The following KIAA1549L variants were observed in gnomAD, a reference collection of about 807,000 sequenced individuals.
The protein encoded by KIAA1549L is KIAA1549 like, also known as UPF0606 protein KIAA1549L.
In KIAA1549L, 88 loss-of-function variants were observed where a neutral mutation model predicts 160.7. The observed-to-expected ratio is 0.55, with a 90% CI of 0.46 to 0.65. The LOEUF (loss-of-function observed/expected upper bound fraction) is 0.65. Ranked by LOEUF, KIAA1549L falls within the 30% of genes least tolerant of loss-of-function variation. The pLI, the probability that KIAA1549L is intolerant of heterozygous loss-of-function variation, is 0.00. For synonymous variants in KIAA1549L, 950 were observed against 976.7 expected, an observed-to-expected ratio of 0.97 and a Z score of 0.51; for missense variants, 2,258 against 2,437.5, an observed-to-expected ratio of 0.93 and a Z score of 1.55.
In KIAA1549L at chr11:33,645,757, A is replaced by G; in HGVS notation, c.5481A>G (p.Arg1827=). 1 of 1,613,954 alleles carries G rather than the reference A, an allele frequency of 6.2e-7. No individual in the cohort carries two copies. Among genetic ancestry groups the G allele is most frequent in the Non-Finnish European group, 8.5e-7 (1 of 1,179,876 alleles). The change falls in exon 17 of 21, where the codon CGA becomes CGG. Residue 1827 remains arginine, a synonymous_variant. Coordinates refer to ENST00000658780, the MANE Select transcript of KIAA1549L (RefSeq NM_012194.3). ...AGCCCCGGGGCTATTCCAGGTCTCG[A>G]CAGGTGAAAGGCCACTCGGAGACCT... The part of the protein sequence containing the change: ...VPEPRGYSRS[R]QVKGHSETST...
intron 1 of KIAA1549L, among the ~76,000 whole-genome samples, chr11:33,486,508 CT>C (rs1852530529): frequency 1.3e-5 from 2 of 152,154 alleles, no homozygotes; most frequent in Non-Finnish European, 2.9e-5. Flanking sequence ...ACGAATTTAA[CT>C]ACTTAATGCA....
chr11:33,565,705 C>CTT (rs769888532), intron 8 of KIAA1549L, among the ~76,000 whole-genome samples: 6 of 131,606 alleles, frequency 4.6e-5, no homozygotes, highest in African/African-American at 1.1e-4. Flanking sequence ...TCCGTGGAGG[C>CTT]TTTTTTTTTT....
At chr11:33,634,098 A>G (rs11032323) in intron 16 of KIAA1549L, among the ~76,000 whole-genome samples, 9,873 of 148,814 alleles carry the variant, frequency 0.066, 734 homozygotes, top group African/African-American at 0.18. Context: ...GCTGGAGTGC[A>G]GTGGCATGAT....
rs758532021 is a variant in KIAA1549L at position 33,658,806 on chromosome 11, C to T, written c.5915C>T (p.Pro1972Leu). The T allele has an allele frequency of 9.6e-6, 15 of 1,568,388 alleles. No individual in the cohort carries two copies. Among genetic ancestry groups the T allele is most frequent in the South Asian group, 7.1e-5 (6 of 84,742 alleles). The change falls in exon 19 of 21, where the codon CCG (proline) becomes CTG (leucine). Residue 1972 changes from proline to leucine, a missense_variant. Coordinates refer to ENST00000658780, the MANE Select transcript of KIAA1549L (RefSeq NM_012194.3). ...TRMAESTGPE[P>L]AQLHDSASFT... Reference sequence around the variant, plus strand: ...ATGGCCGAGTCTACAGGGCCCGAGCCGGCCCAGCTGCACGACAGCGCCTCC... The same window carrying T: ...ATGGCCGAGTCTACAGGGCCCGAGCTGGCCCAGCTGCACGACAGCGCCTCC...
chr11:33,561,744 T>G lies in KIAA1549L; in HGVS notation c.4078+9T>G. On this transcript the variant is annotated intron_variant, in intron 8 of 20. Coordinates refer to ENST00000658780, the MANE Select transcript of KIAA1549L (RefSeq NM_012194.3). ...CTATTGGGTAATTACAGGTAATCTC[T>G]TATTTTGTAATTTCCCCTCTTCATG... is the stretch of plus-strand genomic sequence containing the variant. 1.3e-6 allele frequency: 2 copies of G among 1,580,998 alleles called. No individual in the cohort carries two copies. Among genetic ancestry groups the G allele is most frequent in the Non-Finnish European group, 1.7e-6 (2 of 1,150,286 alleles).
rs1463798038 is a variant in KIAA1549L at position 33,561,535 on chromosome 11, G to C, written c.4019-141G>C. The C allele has an allele frequency of 7.4e-6, 5 of 678,118 alleles. No homozygotes were observed. In the East Asian group the frequency reaches 1.3e-4, roughly 18 times the overall value. The allele number at this position is 678,118 out of a possible 1,614,324, so 42.0% of individuals were successfully genotyped here. A position where few individuals can be genotyped will look rare whatever the true frequency, so the allele number is the denominator to read the frequency against. ...ATAGTCCAGCTACTCAGGAGGCTTA[G>C]GTGCAAGGACCACTTGAGCCCAGGA... On this transcript the variant is annotated intron_variant, in intron 7 of 20. Coordinates refer to ENST00000658780, the MANE Select transcript of KIAA1549L (RefSeq NM_012194.3).
chr11:33,401,546 G>A (rs776255698), intron 1 of KIAA1549L, among the ~76,000 whole-genome samples: 4 of 151,502 alleles, frequency 2.6e-5, no homozygotes, highest in Non-Finnish European at 4.4e-5. Flanking sequence ...TTAAATGTGG[G>A]TGTGCTGTCA....
chr11:33,497,337 T>C (rs895400190), intron 1 of KIAA1549L, among the ~76,000 whole-genome samples: 8 of 152,196 alleles, frequency 5.3e-5, no homozygotes, highest in African/African-American at 1.9e-4. Flanking sequence ...CTAACTTAAG[T>C]TGCCATGCCC....
At chr11:33,583,309 A>G (rs1355365975) in intron 10 of KIAA1549L, 29 bp from the exon 11 acceptor site, 3 of 1,582,126 alleles carry the variant, frequency 1.9e-6, no homozygotes, top group Non-Finnish European at 2.6e-6. Flanking sequence ...GTTGCTTGTC[A>G]TGTCCCTCCT....
chr11:33,619,041 A>G (rs150512734), intron 16 of KIAA1549L, among the ~76,000 whole-genome samples: 10 of 152,340 alleles, frequency 6.6e-5, no homozygotes, highest in African/African-American at 2.2e-4. Context: ...GCGATATTGA[A>G]AAGCTGGATT....
intron 1 of KIAA1549L, among the ~76,000 whole-genome samples, chr11:33,427,827 C>T (rs1271765934): frequency 6.6e-6 from 1 of 152,164 alleles, no homozygotes; most frequent in South Asian, 2.1e-4. Context: ...ATTGGCATTC[C>T]GTGTCTATGG....
At position 33,669,304 on chromosome 11, in the gene KIAA1549L, G is replaced by A. The variant is rs1232833358; in HGVS notation, c.*1150G>A. The A allele has an allele frequency of 6.6e-6, 1 of 152,260 alleles. No homozygotes were observed. The highest frequency in any genetic ancestry group is 1.5e-5 in the Non-Finnish European group (1 of 68,046). The allele number at this position is 152,260 out of a possible 1,614,324, so 9.4% of individuals were successfully genotyped here. On this transcript the variant is annotated 3_prime_UTR_variant, in exon 21 of 21. Transcript: ENST00000658780. ...GGAAGACATTTGCTGAAATGGTAGG[G>A]TGGCCACTTTGTGACCATGATGTTG...
intron 7 of KIAA1549L, among the ~76,000 whole-genome samples, chr11:33,561,436 C>A (rs531232034): frequency 3.6e-4 from 55 of 152,206 alleles, no homozygotes; most frequent in Non-Finnish European, 6.2e-4. Context: ...AGGATTTAGC[C>A]GCTTGCTATT....
chr11:33,400,998 C>T (rs1483741881), intron 1 of KIAA1549L, among the ~76,000 whole-genome samples: 3 of 152,102 alleles, frequency 2.0e-5, no homozygotes, highest in Non-Finnish European at 4.4e-5. Flanking sequence ...GCTGAATGCT[C>T]TCCATGACTG....
At chr11:33,440,913 TTTC>T (rs751601250) in intron 1 of KIAA1549L, among the ~76,000 whole-genome samples, 74 of 152,192 alleles carry the variant, frequency 4.9e-4, no homozygotes, top group South Asian at 1.7e-3. Flanking sequence ...TGACAGTTCT[TTTC>T]TTTTTTTTTT....
intron 1 of KIAA1549L, among the ~76,000 whole-genome samples, chr11:33,395,341 A>C (rs1850352051): frequency 6.6e-6 from 1 of 152,232 alleles, no homozygotes; most frequent in African/African-American, 2.4e-5. Context: ...CTCTGTGAGT[A>C]GGTTGGGTGC....
chr11:33,400,948 T>C (rs1229678944), intron 1 of KIAA1549L, among the ~76,000 whole-genome samples: 1 of 152,152 alleles, frequency 6.6e-6, no homozygotes, highest in East Asian at 1.9e-4. Flanking sequence ...GTTGGATCTG[T>C]CCTTCTGAAC....
rs760798549 is a variant in KIAA1549L at position 33,543,761 on chromosome 11, G to A, written c.2198G>A (p.Ser733Asn). ...DLNGHTISTTSWETHLAPTAP... is the reference protein window; with the variant it reads ...DLNGHTISTTNWETHLAPTAP... The stretch of plus-strand genomic sequence containing the variant: ...AATGGACACACAATTAGCACCACAA[G>A]TTGGGAAACTCATTTAGCTCCAACA... The change falls in exon 2 of 21, where the codon AGT (serine) becomes AAT (asparagine). Residue 733 changes from serine (S) to asparagine (N), a missense_variant. Ser to Asn is a conservative substitution (Grantham distance 46, BLOSUM62 1). This residue lies in a region of KIAA1549L where 287 missense variants were observed against 292.3 expected (regional missense o/e 0.98). Coordinates refer to ENST00000658780, the MANE Select transcript of KIAA1549L (RefSeq NM_012194.3). 4 of 1,613,922 alleles carry A rather than the reference G, an allele frequency of 2.5e-6. No homozygotes were observed. Among genetic ancestry groups the A allele is most frequent in the African/African-American group, 1.3e-5 (1 of 74,940 alleles).
intron 1 of KIAA1549L, among the ~76,000 whole-genome samples, chr11:33,493,017 A>G (rs143058949): frequency 3.9e-5 from 6 of 152,270 alleles, no homozygotes; most frequent in African/African-American, 1.4e-4. Flanking sequence ...AAAGGTAGAA[A>G]AAACAGGATT....
Sources: allele counts gnomAD v4.1 joint callset (sites outside exome capture counted in the v4.1 genomes callset), GRCh38; gene constraint gnomAD v4.1.1; regional missense constraint gnomAD v4.1.1; transcripts MANE v1.5; gene names NCBI Gene and HGNC (gene_info 2026-07-23, HGNC 2026-07-21).